Variants in DOCK7 observed in about 807,000 individuals in gnomAD.
DOCK7 encodes the protein dedicator of cytokinesis protein 7.
A neutral mutation model predicts 271.0 loss-of-function variants in DOCK7; 138 were observed. The ratio of observed to expected loss-of-function variants is 0.51; its 90% CI spans 0.44 to 0.59. The LOEUF is 0.59. Among genes scored for constraint, DOCK7 ranks in the 20% least tolerant of loss-of-function variants. The pLI is 0.00. For missense variants in DOCK7, 2,066 were observed against 2,592.4 expected, an observed-to-expected ratio of 0.80 and a Z score of 4.41; for synonymous variants, 823 against 876.1, an observed-to-expected ratio of 0.94 and a Z score of 1.07.
At chr1:62,557,069 T>C (rs1646168326) in intron 20 of DOCK7, among the ~76,000 whole-genome samples, 1 of 149,974 alleles carries the variant, frequency 6.7e-6, no homozygotes, top group African/African-American at 2.4e-5. Context: ...TCTTTTCTTT[T>C]TTTTTTTTTT....
At chr1:62,620,266 G>A (rs1216228294) in intron 12 of DOCK7, among the ~76,000 whole-genome samples, 1 of 151,630 alleles carries the variant, frequency 6.6e-6, no homozygotes, top group Non-Finnish European at 1.5e-5. Context: ...AGTGAGCCAA[G>A]ATCACATCAC....
At chr1:62,633,259 A>T (rs904115951) in intron 10 of DOCK7, among the ~76,000 whole-genome samples, 6 of 152,180 alleles carry the variant, frequency 3.9e-5, no homozygotes, top group Non-Finnish European at 8.8e-5. Context: ...AGATTTTTAA[A>T]GAATACCACA....
At chr1:62,531,256 T>C (rs945483572) in intron 29 of DOCK7, among the ~76,000 whole-genome samples, 2 of 152,224 alleles carry the variant, frequency 1.3e-5, no homozygotes, top group African/African-American at 4.8e-5. Context: ...GCAGCTACCA[T>C]ACTCATACTC....
At chr1:62,528,070 TC>T (rs1645066356) in intron 31 of DOCK7, 80 bp downstream of exon 31, 27 of 1,383,074 alleles carry the variant, frequency 2.0e-5, no homozygotes, top group Non-Finnish European at 2.5e-5. Context: ...GCTGATACAA[TC>T]ATCTCATATA....
chr1:62,544,643 C>T (rs1039877757), intron 23 of DOCK7, among the ~76,000 whole-genome samples: 3 of 152,054 alleles, frequency 2.0e-5, no homozygotes, highest in Non-Finnish European at 2.9e-5. Context: ...CTATTAAAGA[C>T]GTGCTACCCC....
At chr1:62,630,992 T>G (rs959301937) in intron 11 of DOCK7, among the ~76,000 whole-genome samples, 8 of 151,490 alleles carry the variant, frequency 5.3e-5, no homozygotes, top group Admixed American at 5.3e-4. Flanking sequence ...CGAGACCAGT[T>G]TGGCCAAAAT....
At chr1:62,667,817 C>T (rs981528487) in intron 1 of DOCK7, among the ~76,000 whole-genome samples, 23 of 151,954 alleles carry the variant, frequency 1.5e-4, no homozygotes, top group Non-Finnish European at 2.9e-4. Context: ...CAGGAGTTCG[C>T]GACCAGTCTG....
In DOCK7 at chr1:62,639,426, CTTTTTTTTTTTT is replaced by C. The variant is rs386367151; in HGVS notation, c.819-2835_819-2824del. 5.3e-4 allele frequency among the ~76,000 whole-genome samples: 40 copies of C among 75,866 alleles called. 1 individual carries two copies. In the South Asian group the frequency reaches 0.012, roughly 23 times the overall value. The allele number at this position is 75,866 out of a possible 152,430, so 49.8% of individuals were successfully genotyped here. ...AACTTAGTGCAAACTTTGTAATACT[CTTTTTTTTTTTT>C]TTTTTTTTTTTTTTGAGATGGAGTC... On this transcript the variant is annotated intron_variant, in intron 7 of 49. Transcript: ENST00000635253.
At chr1:62,495,500 G>A in intron 39 of DOCK7, 81 bp downstream of exon 39, 6 of 812,596 alleles carry the variant, frequency 7.4e-6, no homozygotes, top group Non-Finnish European at 1.1e-5. Flanking sequence ...ATTTTTGTGT[G>A]TTTATTTTTT....
chr1:62,670,502 T>A (rs1205117235), intron 1 of DOCK7, among the ~76,000 whole-genome samples: 1 of 151,724 alleles, frequency 6.6e-6, no homozygotes, highest in African/African-American at 2.4e-5. Context: ...AGAACCTTTA[T>A]GTCTAGCTCA....
intron 31 of DOCK7, among the ~76,000 whole-genome samples, chr1:62,524,575 G>T (rs1357355034): frequency 6.6e-6 from 1 of 151,962 alleles, no homozygotes; most frequent in Non-Finnish European, 1.5e-5. Context: ...TAACATTAAT[G>T]AATACTAAAA....
intron 24 of DOCK7, 79 bp downstream of exon 24, chr1:62,543,563 AGTATCTCATACTGG>A: frequency 1.1e-6 from 1 of 872,966 alleles, no homozygotes; most frequent in Middle Eastern, 2.3e-4. Flanking sequence ...AATTACTGTA[AGTATCTCATACTGG>A]TTATGTAAAG....
chr1:62,597,889 T>A (rs1373558819), intron 14 of DOCK7: 2 of 1,572,426 alleles, frequency 1.3e-6, no homozygotes, highest in Admixed American at 2.0e-5. Context: ...AAACTACAAG[T>A]CAAAAATGAA....
intron 9 of DOCK7, chr1:62,634,258 CA>C (rs1654976096): frequency 6.6e-6 from 1 of 151,284 alleles, no homozygotes; most frequent in Non-Finnish European, 1.5e-5. Context: ...AAATTAGGCA[CA>C]AATAAATGAA....
At chr1:62,561,797 T>C (rs1470532886) in intron 18 of DOCK7, 94 bp from the exon 19 acceptor site, 3 of 641,396 alleles carry the variant, frequency 4.7e-6, no homozygotes, top group African/African-American at 1.9e-5. Flanking sequence ...GAGAAAAATA[T>C]TGTGAAAATA....
chr1:62,646,047 T>C (rs1224070285), intron 7 of DOCK7, among the ~76,000 whole-genome samples: 1 of 151,326 alleles, frequency 6.6e-6, no homozygotes, highest in African/African-American at 2.4e-5. Flanking sequence ...CTCAGGGGGC[T>C]GAGGCAGGAG....
intron 14 of DOCK7, chr1:62,603,924 A>G: frequency 6.3e-7 from 1 of 1,593,758 alleles, no homozygotes; most frequent in Non-Finnish European, 8.6e-7. Context: ...TCAGTGTCCA[A>G]CCTGTACTTA....
At chr1:62,631,545 T>C (rs1332618743) in intron 10 of DOCK7, 140 bp from the exon 11 acceptor site, 4 of 687,440 alleles carry the variant, frequency 5.8e-6, no homozygotes, top group African/African-American at 1.8e-5. Context: ...CTTACAGAGA[T>C]GAAGTATTAG....
chr1:62,590,452 A>G (rs1452613798), intron 14 of DOCK7, among the ~76,000 whole-genome samples: 1 of 152,176 alleles, frequency 6.6e-6, no homozygotes, highest in Non-Finnish European at 1.5e-5. Context: ...TAATATATTA[A>G]CCTGAAGTAT....
Sources: gnomAD v4.1 joint callset for allele counts (sites outside exome capture counted in the v4.1 genomes callset) on GRCh38, gnomAD v4.1.1 for gene constraint, MANE v1.5 for transcripts, NCBI Gene and HGNC (gene_info 2026-07-23, HGNC 2026-07-21) for gene names.